Variants in CACNA2D3 observed in about 807,000 individuals in gnomAD.
The protein encoded by CACNA2D3 is calcium voltage-gated channel auxiliary subunit alpha2delta 3.
A neutral mutation model predicts 160.6 loss-of-function variants in CACNA2D3; 60 were observed. The ratio of observed to expected loss-of-function variants is 0.37; its 90% CI spans 0.30 to 0.46. The LOEUF is 0.46. Among genes scored for constraint, CACNA2D3 ranks in the 20% least tolerant of loss-of-function variants. CACNA2D3 has a pLI of 1.00. For missense variants in CACNA2D3, 1,205 were observed against 1,365.0 expected (o/e 0.88, Z 1.85); for synonymous variants, 558 against 492.9 (o/e 1.13, Z -1.75).
chr3:54,298,944 T>TAAAAAAA (rs59100168), intron 2 of CACNA2D3, among the ~76,000 whole-genome samples: 1 of 99,330 alleles, frequency 1.0e-5, no homozygotes, highest in South Asian at 3.2e-4. Context: ...CTCTGTTTCT[T>TAAAAAAA]AAAAAAAAAA....
chr3:54,934,016 C>T (rs751440082), intron 27 of CACNA2D3, among the ~76,000 whole-genome samples: 5 of 152,168 alleles, frequency 3.3e-5, no homozygotes, highest in Non-Finnish European at 7.4e-5. Context: ...GGTGGTCCAC[C>T]TGCCTCGGCC....
chr3:54,196,553 C>T (rs1447950171), intron 2 of CACNA2D3, among the ~76,000 whole-genome samples: 1 of 152,230 alleles, frequency 6.6e-6, no homozygotes, highest in Non-Finnish European at 1.5e-5. Context: ...ATTATCTTGT[C>T]ACTGACAAAC....
intron 5 of CACNA2D3, among the ~76,000 whole-genome samples, chr3:54,539,843 C>T (rs184106112): frequency 9.2e-5 from 14 of 152,302 alleles, no homozygotes; most frequent in African/African-American, 3.4e-4. Flanking sequence ...TTCTCTGCGC[C>T]AGCCAGTTTG....
At chr3:55,073,370 AGG>A in intron 35 of CACNA2D3, 73 bp from the exon 36 acceptor site, 4 of 1,093,152 alleles carry the variant, frequency 3.7e-6, no homozygotes, top group Non-Finnish European at 5.6e-6. Context: ...GCTACCACCC[AGG>A]AGAGAAGTCT....
chr3:55,039,986 G>A (rs1368318800), intron 35 of CACNA2D3, among the ~76,000 whole-genome samples: 1 of 152,072 alleles, frequency 6.6e-6, no homozygotes, highest in Non-Finnish European at 1.5e-5. Flanking sequence ...AATACCGTAG[G>A]CTGGATGGAT....
chr3:54,325,277 GGGTGTC>G (rs1375661191), intron 3 of CACNA2D3, among the ~76,000 whole-genome samples: 1 of 152,170 alleles, frequency 6.6e-6, no homozygotes, highest in Non-Finnish European at 1.5e-5. Flanking sequence ...ACAGCCAAGG[GGGTGTC>G]ATGATCCTGT....
chr3:54,526,235 C>G (rs981148614), intron 5 of CACNA2D3, among the ~76,000 whole-genome samples: 2 of 151,616 alleles, frequency 1.3e-5, no homozygotes, highest in African/African-American at 4.8e-5. Context: ...CCATCTTTAC[C>G]TCTTTAATTA....
At chr3:54,309,619 G>A (rs1231320809) in intron 2 of CACNA2D3, among the ~76,000 whole-genome samples, 4 of 152,164 alleles carry the variant, frequency 2.6e-5, no homozygotes. Context: ...CTAGTTGGGA[G>A]CATGGGCTCT....
At chr3:54,762,079 A>G (rs1262892493) in intron 12 of CACNA2D3, among the ~76,000 whole-genome samples, 3 of 152,122 alleles carry the variant, frequency 2.0e-5, no homozygotes, top group African/African-American at 7.2e-5. Flanking sequence ...ATTTAGAGGC[A>G]CGGGGAGGAA....
At chr3:54,961,449 C>T (rs948255585) in intron 27 of CACNA2D3, among the ~76,000 whole-genome samples, 10 of 152,272 alleles carry the variant, frequency 6.6e-5, no homozygotes, top group African/African-American at 2.4e-4. Context: ...TAGTTGTATT[C>T]CCTCTAATAA....
chr3:54,596,691 C>G (rs377712414), intron 9 of CACNA2D3, among the ~76,000 whole-genome samples: 4 of 152,050 alleles, frequency 2.6e-5, no homozygotes, highest in East Asian at 1.9e-4. Context: ...CTTTCCTGAT[C>G]CAGCCAAATC....
rs1248984722 is a variant in CACNA2D3 at position 54,180,070 on chromosome 3, C to CT, written c.204+56485dup. Among the ~76,000 whole-genome samples the CT allele has an allele frequency of 4.4e-4, 51 of 116,040 alleles. 1 individual carries two copies. The highest frequency in any genetic ancestry group is 1.1e-3 in the Admixed American group (13 of 12,166). The allele number at this position is 116,040 out of a possible 152,430, so 76.1% of individuals were successfully genotyped here. ...TGCATTTTATGTCTTAGCTGATGTTCTTTTTTTTTGGTTTTCTTTTGTCTT... is the reference window on the plus strand; with the variant it reads ...TGCATTTTATGTCTTAGCTGATGTTCTTTTTTTTTTGGTTTTCTTTTGTCTT... On this transcript the variant is annotated intron_variant, in intron 2 of 37. Transcript: ENST00000474759.
At chr3:54,189,180 T>G (rs1164271418) in intron 2 of CACNA2D3, among the ~76,000 whole-genome samples, 1 of 152,234 alleles carries the variant, frequency 6.6e-6, no homozygotes, top group African/African-American at 2.4e-5. Context: ...GGCCAGGGTA[T>G]TGACCAGCAA....
At chr3:54,238,234 G>A (rs764589626) in intron 2 of CACNA2D3, among the ~76,000 whole-genome samples, 6 of 151,932 alleles carry the variant, frequency 3.9e-5, no homozygotes, top group African/African-American at 1.2e-4. Context: ...TTTTAATAGC[G>A]TGGCTGAGCC....
At chr3:54,717,582 GCGTGTGTGTGCATACATT>G (rs1259401409) in intron 11 of CACNA2D3, among the ~76,000 whole-genome samples, 51 of 147,478 alleles carry the variant, frequency 3.5e-4, no homozygotes, top group African/African-American at 1.2e-3. Flanking sequence ...GTGTATGTGT[GCGTGTGTGTGCATACATT>G]CGTGTGTGTG....
chr3:54,726,915 G>C (rs771330815), intron 11 of CACNA2D3, among the ~76,000 whole-genome samples: 1 of 152,158 alleles, frequency 6.6e-6, no homozygotes, highest in Non-Finnish European at 1.5e-5. Flanking sequence ...TTGACAAATG[G>C]GAGCTAATTA....
intron 2 of CACNA2D3, among the ~76,000 whole-genome samples, chr3:54,319,194 A>T (rs1703934471): frequency 6.9e-6 from 1 of 144,612 alleles, no homozygotes. Flanking sequence ...ACACACACAC[A>T]CACACACCCT....
chr3:55,073,642 A>G (rs1704870180), intron 36 of CACNA2D3, 85 bp downstream of exon 36: 2 of 1,306,186 alleles, frequency 1.5e-6, no homozygotes, highest in South Asian at 2.5e-5. Context: ...GAGAAATATT[A>G]GAGAAGGAAA....
chr3:54,568,279 G>A (rs367814699), intron 6 of CACNA2D3, among the ~76,000 whole-genome samples: 2 of 152,160 alleles, frequency 1.3e-5, no homozygotes, highest in Non-Finnish European at 1.5e-5. Flanking sequence ...AAATTTGAGC[G>A]TTTGAATCTG....
Sources: allele counts gnomAD v4.1 joint callset (sites outside exome capture counted in the v4.1 genomes callset), GRCh38; gene constraint gnomAD v4.1.1; transcripts MANE v1.5; gene names NCBI Gene and HGNC (gene_info 2026-07-23, HGNC 2026-07-21).